The following CTTNBP2NL variants were observed in gnomAD, a reference collection of about 807,000 sequenced individuals.
CTTNBP2NL encodes the protein CTTNBP2 N-terminal-like protein.
CTTNBP2NL carries 16 observed loss-of-function variants against 32.5 expected under a neutral mutation model. The observed-to-expected ratio is 0.49, with a 90% CI of 0.33 to 0.75. The LOEUF (loss-of-function observed/expected upper bound fraction) is 0.75, where lower values mean the gene tolerates loss of function less well. Ranked by LOEUF, CTTNBP2NL falls within the 30% of genes least tolerant of loss-of-function variation. CTTNBP2NL has a pLI of 0.02. For synonymous variants in CTTNBP2NL, 298 were observed against 289.4 expected, an observed-to-expected ratio of 1.03 and a Z score of -0.30; for missense variants, 645 against 756.0, an observed-to-expected ratio of 0.85 and a Z score of 1.72.
intron 2 of CTTNBP2NL, among the ~76,000 whole-genome samples, chr1:112,412,663 C>T (rs1648914480): frequency 7.8e-6 from 1 of 127,986 alleles, no homozygotes; most frequent in African/African-American, 3.1e-5. Context: ...GTCAACCAGG[C>T]TAGAGTACAG....
upstream of CTTNBP2NL, among the ~76,000 whole-genome samples, chr1:112,392,685 C>T (rs557664563): frequency 2.0e-5 from 3 of 152,052 alleles, no homozygotes; most frequent in South Asian, 4.2e-4. Flanking sequence ...CATACAGAGA[C>T]GCTGAGACAT....
intron 1 of CTTNBP2NL, among the ~76,000 whole-genome samples, chr1:112,409,721 G>A (rs527327373): frequency 6.6e-6 from 1 of 152,296 alleles, no homozygotes; most frequent in South Asian, 2.1e-4. Context: ...AGCAATGCTT[G>A]TTATCTTATA....
chr1:112,405,072 A>C (rs1648619969), intron 1 of CTTNBP2NL, among the ~76,000 whole-genome samples: 1 of 152,204 alleles, frequency 6.6e-6, no homozygotes, highest in South Asian at 2.1e-4. Flanking sequence ...CATCTCAAAA[A>C]AAACAAACAA....
intron 1 of CTTNBP2NL, among the ~76,000 whole-genome samples, chr1:112,402,899 C>T (rs1176689418): frequency 2.0e-5 from 3 of 152,124 alleles, no homozygotes; most frequent in Non-Finnish European, 4.4e-5. Context: ...AATAACTTCT[C>T]ATTCAGCCTG....
intron 3 of CTTNBP2NL, among the ~76,000 whole-genome samples, chr1:112,429,605 A>G (rs1267213546): frequency 6.6e-6 from 1 of 152,212 alleles, no homozygotes; most frequent in Non-Finnish European, 1.5e-5. Flanking sequence ...TTTACAATAC[A>G]AATGTTCTTA....
rs991834490 is a variant in CTTNBP2NL at position 112,430,173 on chromosome 1, TTTCTTTTC to T, written c.99+13912_99+13919del. Among the ~76,000 whole-genome samples the T allele has an allele frequency of 1.3e-3, 46 of 34,632 alleles. No individual in the cohort carries two copies. In the South Asian group the frequency reaches 0.036, roughly 27 times the overall value. The allele number at this position is 34,632 out of a possible 152,430, so 22.7% of individuals were successfully genotyped here. ...TATAAAAGCTAGCTCTTTTCTTTCT[TTTCTTTTC>T]TTTTCTTTTCTTTTCTTTTCTTTTC... On this transcript the variant is annotated intron_variant, in intron 3 of 5. Transcript: ENST00000271277.
Position 112,412,635 on chromosome 1 carries a change from G to A in CTTNBP2NL, c.-10+318G>A, listed in dbSNP as rs1314900306. On this transcript the variant is annotated intron_variant, in intron 2 of 5. Transcript: ENST00000271277. Reference sequence around the variant, plus strand: ...TTTTTTTTTTTTTTTTTTTTTTTTTGACACAGAGTCTCACTGTGTCAACCA... The same window carrying A: ...TTTTTTTTTTTTTTTTTTTTTTTTTAACACAGAGTCTCACTGTGTCAACCA... Among the ~76,000 whole-genome samples the A allele has an allele frequency of 7.0e-4, 8 of 11,438 alleles. No individual in the cohort carries two copies. The South Asian group carries it at 0.015, about 21-fold the overall frequency. 7.5% of individuals were successfully genotyped at this position (11,438 alleles called of 152,430 possible).
At chr1:112,424,192 C>T (rs753328490) in intron 3 of CTTNBP2NL, among the ~76,000 whole-genome samples, 8 of 152,218 alleles carry the variant, frequency 5.3e-5, no homozygotes, top group African/African-American at 7.2e-5. Flanking sequence ...GATATATCTT[C>T]AGTTAATGTT....
Position 112,460,251 on chromosome 1 carries a change from CTT to C in CTTNBP2NL, c.*2840_*2841del, listed in dbSNP as rs1414726908. On this transcript the variant is annotated 3_prime_UTR_variant, in exon 6 of 6. Coordinates refer to ENST00000271277, the MANE Select transcript of CTTNBP2NL (RefSeq NM_018704.3). ...ATCTTGCTGTTTGGGGGGAAATAGT[CTT>C]GTTTGTACAAAGTGAAAAATGGCAC... 6.6e-6 allele frequency: 1 copy of C among 152,118 alleles called. No homozygotes were observed. Among genetic ancestry groups the C allele is most frequent in the Non-Finnish European group, 1.5e-5 (1 of 68,034 alleles). 9.4% of individuals were successfully genotyped at this position (152,118 alleles called of 1,614,324 possible).
chr1:112,441,879 A>ATACATATACAAAGT (rs1649900674), intron 3 of CTTNBP2NL, among the ~76,000 whole-genome samples: 2 of 152,128 alleles, frequency 1.3e-5, no homozygotes, highest in Non-Finnish European at 1.5e-5. Flanking sequence ...TGTATATGGT[A>ATACATATACAAAGT]TAAGGTATGC....
chr1:112,395,999 G>A (rs1459253083), upstream of CTTNBP2NL, among the ~76,000 whole-genome samples: 6 of 152,258 alleles, frequency 3.9e-5, no homozygotes, highest in African/African-American at 1.4e-4. Flanking sequence ...CCAGGACCCA[G>A]GAGGGCGCTT....
At chr1:112,440,884 AAACGCTCGAGTGTT>A (rs1649872673) in intron 3 of CTTNBP2NL, among the ~76,000 whole-genome samples, 1 of 151,406 alleles carries the variant, frequency 6.6e-6, no homozygotes, top group South Asian at 2.1e-4. Context: ...CGCAGGCAAT[AAACGCTCGAGTGTT>A]AACGTCTCTG....
intron 3 of CTTNBP2NL, among the ~76,000 whole-genome samples, chr1:112,418,392 A>G (rs1015637535): frequency 2.6e-5 from 4 of 152,122 alleles, no homozygotes; most frequent in African/African-American, 9.7e-5. Flanking sequence ...CTCACTCTCT[A>G]TTGCAGCCAA....
intron 3 of CTTNBP2NL, among the ~76,000 whole-genome samples, chr1:112,424,098 G>GT (rs1644719181): frequency 6.6e-6 from 1 of 151,922 alleles, no homozygotes; most frequent in African/African-American, 2.4e-5. Context: ...GGTCAGAAAG[G>GT]TTTTCTCCTG....
chr1:112,442,721 C>G (rs1368074391), intron 3 of CTTNBP2NL, among the ~76,000 whole-genome samples: 2 of 151,798 alleles, frequency 1.3e-5, no homozygotes, highest in East Asian at 3.9e-4. Context: ...AAGAGAGTCT[C>G]GCTCTGTCGC....
chr1:112,423,810 G>A (rs1374494562), intron 3 of CTTNBP2NL, among the ~76,000 whole-genome samples: 1 of 152,116 alleles, frequency 6.6e-6, no homozygotes, highest in East Asian at 1.9e-4. Context: ...TGCAACCTTT[G>A]GCTCCCGGAT....
chr1:112,454,375 G>A, intron 4 of CTTNBP2NL, 74 bp from the exon 5 acceptor site: 1 of 1,094,924 alleles, frequency 9.1e-7, no homozygotes. Context: ...GCCTGATTTG[G>A]CACTTATTAT....
chr1:112,432,340 C>T (rs2483347), intron 3 of CTTNBP2NL, among the ~76,000 whole-genome samples: 3,738 of 152,026 alleles, frequency 0.025, 125 homozygotes, highest in African/African-American at 0.08. Context: ...GGATTACAGG[C>T]GTGAGCCACC....
At chr1:112,395,032 C>T (rs567971813), upstream of CTTNBP2NL, among the ~76,000 whole-genome samples, 28 of 152,214 alleles carry the variant, frequency 1.8e-4, no homozygotes, top group Non-Finnish European at 3.4e-4. Flanking sequence ...ATCGCACAAA[C>T]TGATCACATC....
Sources: gnomAD v4.1 joint callset for allele counts (sites outside exome capture counted in the v4.1 genomes callset) on GRCh38, gnomAD v4.1.1 for gene constraint, MANE v1.5 for transcripts, NCBI Gene and HGNC (gene_info 2026-07-23, HGNC 2026-07-21) for gene names.